Variants in NXN observed in about 807,000 individuals in gnomAD.
NXN encodes nucleoredoxin.
In NXN, 16 loss-of-function variants were observed where a neutral mutation model predicts 48.6. The ratio of observed to expected loss-of-function variants is 0.33; its 90% confidence interval spans 0.22 to 0.50. The LOEUF (loss-of-function observed/expected upper bound fraction) is 0.50, where lower values mean the gene tolerates loss of function less well. Ranked by LOEUF, NXN falls within the 20% of genes least tolerant of loss-of-function variation. The pLI, the probability that NXN is intolerant of heterozygous loss-of-function variation, is 0.98. For synonymous variants in NXN, 281 were observed against 269.6 expected, an observed-to-expected ratio of 1.04 and a Z score of -0.41; for missense variants, 492 against 605.5, an observed-to-expected ratio of 0.81 and a Z score of 1.97.
intron 1 of NXN, among the ~76,000 whole-genome samples, chr17:866,874 C>T (rs775032358): frequency 6.6e-6 from 1 of 152,272 alleles, no homozygotes; most frequent in Non-Finnish European, 1.5e-5. Flanking sequence ...CATTCAAATA[C>T]TGCAAACCCT....
chr17:867,503 A>G (rs2144797035), intron 1 of NXN, among the ~76,000 whole-genome samples: 1 of 152,386 alleles, frequency 6.6e-6, no homozygotes, highest in South Asian at 2.1e-4. Flanking sequence ...GAAGTTCAGC[A>G]AAACTATGTA....
chr17:848,716 GC>G (rs1372651446), intron 1 of NXN, among the ~76,000 whole-genome samples: 8 of 152,332 alleles, frequency 5.3e-5, no homozygotes, highest in African/African-American at 1.9e-4. Context: ...GACACAGGCA[GC>G]TTGCCTCCTG....
intron 5 of NXN, among the ~76,000 whole-genome samples, chr17:807,988 A>T (rs560667731): frequency 6.3e-4 from 96 of 152,302 alleles, no homozygotes; most frequent in Non-Finnish European, 1.0e-3. Flanking sequence ...CAGGTCACCC[A>T]GCCAGGCAGT....
At chr17:833,379 T>C (rs796573785) in intron 1 of NXN, among the ~76,000 whole-genome samples, 6 of 152,116 alleles carry the variant, frequency 3.9e-5, no homozygotes, top group African/African-American at 1.4e-4. Flanking sequence ...AAGGCGACCC[T>C]TCTGTCAGAG....
At chr17:934,667 A>G (rs2068889851) in intron 1 of NXN, among the ~76,000 whole-genome samples, 1 of 151,864 alleles carries the variant, frequency 6.6e-6, no homozygotes, top group African/African-American at 2.4e-5. Context: ...TGAGGTCAGG[A>G]GTTCGGGACC....
chr17:948,423 C>G (rs9894911), intron 1 of NXN, among the ~76,000 whole-genome samples: 70,158 of 152,018 alleles, frequency 0.46, 18,687 homozygotes, highest in Non-Finnish European at 0.61. Flanking sequence ...TATGTAAATG[C>G]TATTTTATAT....
At chr17:846,432 G>T (rs112057729) in intron 1 of NXN, among the ~76,000 whole-genome samples, 2 of 93,488 alleles carry the variant, frequency 2.1e-5, no homozygotes, top group East Asian at 7.4e-4. Flanking sequence ...AAAAAAAAAA[G>T]AAAAGAAAAA....
intron 1 of NXN, among the ~76,000 whole-genome samples, chr17:963,929 C>T (rs1018050146): frequency 2.1e-5 from 3 of 142,586 alleles, no homozygotes; most frequent in African/African-American, 5.2e-5. Flanking sequence ...TACAAAAAAT[C>T]AGCCGGGCGT....
In NXN at chr17:812,640, G is replaced by A. The variant is rs555985107; in HGVS notation, c.820+6799C>T. On this transcript the variant is annotated intron_variant, in intron 5 of 7. Coordinates refer to ENST00000336868, the MANE Select transcript of NXN (RefSeq NM_022463.5). The stretch of plus-strand genomic sequence containing the variant: ...AGTGTAGGTGAGTGTAGGTGTGTGT[G>A]AGTGTGCATGTGTGTGACTGTAGGT... Among the ~76,000 whole-genome samples the A allele has an allele frequency of 1.1e-3, 164 of 151,662 alleles. 1 individual carries two copies. The highest frequency in any genetic ancestry group is 3.5e-3 in the Admixed American group (53 of 15,212).
At chr17:872,978 G>T (rs1288545371) in intron 1 of NXN, among the ~76,000 whole-genome samples, 1 of 152,086 alleles carries the variant, frequency 6.6e-6, no homozygotes, top group Non-Finnish European at 1.5e-5. Context: ...CCCCAGTGTG[G>T]GTGGGCCTCA....
At position 825,880 on chromosome 17, in the gene NXN, G is replaced by A. The variant is rs1913073329; in HGVS notation, c.478+81C>T. The A allele has an allele frequency of 4.7e-6, 4 of 858,952 alleles. No individual in the cohort carries two copies. The highest frequency in any genetic ancestry group is 4.4e-5 in the Admixed American group (2 of 45,972). The allele number at this position is 858,952 out of a possible 1,614,324, so 53.2% of individuals were successfully genotyped here. A position where few individuals can be genotyped will look rare whatever the true frequency, so the allele number is the denominator to read the frequency against. On this transcript the variant is annotated intron_variant, in intron 2 of 7. Coordinates refer to ENST00000336868, the MANE Select transcript of NXN (RefSeq NM_022463.5). This position sits in a 1 kb window ranked among gnomAD's most constrained non-coding sequence, Gnocchi z 4.1. ...TATTTCACCAGTACTCTCTCCACCG[G>A]TGGGACGGAGATTAGCCTAAGGGCA...
rs998836837 is a variant in NXN at position 920,883 on chromosome 17, C to A, written c.360+58436G>T. ...GATTACAGGCGCCCGCCACCATGTC[C>A]GGCTAATTTTTGTAATTTTAGTAAA... On this transcript the variant is annotated intron_variant, in intron 1 of 7. Coordinates refer to ENST00000336868, the MANE Select transcript of NXN (RefSeq NM_022463.5). The surrounding 1 kb of genome is among the most constrained non-coding windows in gnomAD (Gnocchi z 4.6). Among the ~76,000 whole-genome samples the A allele has an allele frequency of 6.6e-6, 1 of 151,958 alleles. No individual in the cohort carries two copies. The highest frequency in any genetic ancestry group is 1.5e-5 in the Non-Finnish European group (1 of 68,010).
chr17:843,613 G>C (rs1381678809), intron 1 of NXN, among the ~76,000 whole-genome samples: 2 of 152,232 alleles, frequency 1.3e-5, no homozygotes, highest in African/African-American at 4.8e-5. Context: ...AGGAGGGGGA[G>C]TGAGGAGCCA....
chr17:807,881 C>G (rs997267256), intron 5 of NXN, among the ~76,000 whole-genome samples: 1 of 152,246 alleles, frequency 6.6e-6, no homozygotes, highest in Non-Finnish European at 1.5e-5. Flanking sequence ...GGCCGTCTGC[C>G]CTGTGCTAGG....
chr17:837,722 G>A (rs944799796), intron 1 of NXN, among the ~76,000 whole-genome samples: 4 of 152,154 alleles, frequency 2.6e-5, no homozygotes, highest in Admixed American at 6.5e-5. Flanking sequence ...CCCCACCTGC[G>A]CATTCTGCCT....
intron 1 of NXN, chr17:930,495 G>A (rs561251007): frequency 2.0e-5 from 3 of 151,796 alleles, no homozygotes; most frequent in African/African-American, 7.2e-5. Context: ...ACACAACAAT[G>A]CCCCTATTGA....
intron 1 of NXN, among the ~76,000 whole-genome samples, chr17:970,467 C>A (rs368395643): frequency 6.6e-6 from 1 of 151,992 alleles, no homozygotes; most frequent in Non-Finnish European, 1.5e-5. Flanking sequence ...AAAAAAAACA[C>A]CACCATGGAA....
At chr17:839,131 G>A (rs1913994095) in intron 1 of NXN, among the ~76,000 whole-genome samples, 1 of 152,134 alleles carries the variant, frequency 6.6e-6, no homozygotes, top group South Asian at 2.1e-4. Context: ...TGACAACACT[G>A]CTTGGTTCAT....
chr17:858,163 G>A (rs1257262267), intron 1 of NXN, among the ~76,000 whole-genome samples: 2 of 151,526 alleles, frequency 1.3e-5, no homozygotes, highest in East Asian at 3.9e-4. Context: ...TAGAGACGAC[G>A]TTTCACCATG....
Sources: gnomAD v4.1 joint callset for allele counts (sites outside exome capture counted in the v4.1 genomes callset) on GRCh38, gnomAD v4.1.1 for gene constraint, Gnocchi (gnomAD v3.1) non-coding constraint, MANE v1.5 for transcripts, NCBI Gene and HGNC (gene_info 2026-07-23, HGNC 2026-07-21) for gene names.